Variants in DMD observed in about 807,000 individuals in gnomAD.
The protein encoded by DMD is mutant dystrophin.
A neutral mutation model predicts 330.1 loss-of-function variants in DMD; 63 were observed. The observed-to-expected ratio is 0.19, with a 90% confidence interval of 0.16 to 0.24. The LOEUF is 0.24. Among genes scored for constraint, DMD ranks in the 10% least tolerant of loss-of-function variants. DMD has a pLI of 1.00. For synonymous variants in DMD, 1,223 were observed against 959.8 expected, an observed-to-expected ratio of 1.27 and a Z score of -5.07; for missense variants, 3,344 against 2,684.1, an observed-to-expected ratio of 1.25 and a Z score of -5.43.
chrX:31,723,668 A>T (rs1407864592), intron 52 of DMD, among the ~76,000 whole-genome samples: 1 of 103,180 alleles, frequency 9.7e-6, no homozygotes, highest in African/African-American at 3.7e-5. Flanking sequence ...ACACACACAC[A>T]CTCCCATGCT....
intron 7 of DMD, among the ~76,000 whole-genome samples, chrX:32,711,073 A>G (rs1020190618): frequency 8.0e-5 from 9 of 111,902 alleles, no homozygotes; most frequent in Non-Finnish European, 1.3e-4. Context: ...AATAGAGAAA[A>G]GGAAAGGCTT....
chrX:32,179,689 C>T (rs1483219301), intron 44 of DMD, among the ~76,000 whole-genome samples: 1 of 111,956 alleles, frequency 8.9e-6, no homozygotes, highest in African/African-American at 3.2e-5. Context: ...TTGTAGCTCC[C>T]ATAATCCCCA....
chrX:32,969,356 T>TATGTATTTTATACATACATATATGC lies in DMD; in HGVS notation c.93+50758_93+50782dup, dbSNP rs1302648557. ...CTACCACATACATAGATAAAATATG[T>TATGTATTTTATACATACATATATGC]ATGTATTTTATACATACATATATGC... On this transcript the variant is annotated intron_variant, in intron 2 of 78. Coordinates refer to ENST00000357033, the MANE Select transcript of DMD (RefSeq NM_004006.3). Among the ~76,000 whole-genome samples, 47 of 93,341 alleles carry TATGTATTTTATACATACATATATGC rather than the reference T, an allele frequency of 5.0e-4. 8 individuals carry two copies. Among genetic ancestry groups the TATGTATTTTATACATACATATATGC allele is most frequent in the African/African-American group, 2.2e-3 (46 of 20,599 alleles). 81.1% of individuals were successfully genotyped at this position (93,341 alleles called of 115,157 possible). A position where few individuals can be genotyped will look rare whatever the true frequency, so the allele number is the denominator to read the frequency against.
In DMD at chrX:33,308,887, G is replaced by A. The variant is rs776287617; in HGVS notation, c.7+30372C>T. Reference sequence around the variant, plus strand: ...GTAGGATGCCAGCCGCCACAGACCAGTATTAGCCTAATAGGATGAAAGATA... The same window carrying A: ...GTAGGATGCCAGCCGCCACAGACCAATATTAGCCTAATAGGATGAAAGATA... On this transcript the variant is annotated intron_variant, in intron 1 of 17. Transcript: ENST00000288447. Among the ~76,000 whole-genome samples, 15 of 111,613 alleles carry A rather than the reference G, an allele frequency of 1.3e-4. No individual in the cohort carries two copies. In the South Asian group the frequency reaches 5.6e-3, roughly 42 times the overall value.
At chrX:31,219,638 C>T (rs1178713642) in intron 64 of DMD, among the ~76,000 whole-genome samples, 3 of 110,396 alleles carry the variant, frequency 2.7e-5, no homozygotes, top group African/African-American at 6.6e-5. Flanking sequence ...CTCTGGATTA[C>T]CTGCCCGTAT....
chrX:32,790,560 T>G (rs113231394), intron 7 of DMD, among the ~76,000 whole-genome samples: 4,022 of 111,463 alleles, frequency 0.036, 67 homozygotes, highest in Non-Finnish European at 0.051. Flanking sequence ...GACCTAGGAC[T>G]AAAAATCTTC....
At chrX:31,130,882 T>C (rs1293953972) in intron 77 of DMD, among the ~76,000 whole-genome samples, 1 of 112,223 alleles carries the variant, frequency 8.9e-6, no homozygotes, top group Non-Finnish European at 1.9e-5. Context: ...ATATACTTTA[T>C]GTTTATGAAG....
At chrX:32,291,515 G>C in intron 42 of DMD, among the ~76,000 whole-genome samples, 1 of 111,464 alleles carries the variant, frequency 9.0e-6, no homozygotes, top group Non-Finnish European at 1.9e-5. Context: ...ATTCACATTT[G>C]AGCTGAAGTG....
chrX:32,242,972 AAG>A lies in DMD; in HGVS notation c.6291-25911_6291-25910del, dbSNP rs1391120253. 5.8e-3 allele frequency among the ~76,000 whole-genome samples: 585 copies of A among 100,767 alleles called. 9 individuals carry two copies. The highest frequency in any genetic ancestry group is 0.02 in the African/African-American group (562 of 27,487). 87.5% of individuals were successfully genotyped at this position (100,767 alleles called of 115,157 possible). On this transcript the variant is annotated intron_variant, in intron 43 of 78. Coordinates refer to ENST00000357033, the MANE Select transcript of DMD (RefSeq NM_004006.3). ...AAGGAAAAGGAACAGAAGGAAAGGAAAGGAAGAAGGAAGGAAGGAAGGAAGAA... is the reference window on the plus strand; with the variant it reads ...AAGGAAAAGGAACAGAAGGAAAGGAAGAAGAAGGAAGGAAGGAAGGAAGAA...
At chrX:31,749,488 G>C (rs1328763709) in intron 51 of DMD, among the ~76,000 whole-genome samples, 1 of 105,440 alleles carries the variant, frequency 9.5e-6, no homozygotes, top group Non-Finnish European at 2.0e-5. Context: ...CTTTTTTATG[G>C]CTGCATAGTA....
intron 67 of DMD, among the ~76,000 whole-genome samples, chrX:31,183,817 G>A (rs1433957957): frequency 9.2e-6 from 1 of 108,480 alleles, no homozygotes; most frequent in Non-Finnish European, 1.9e-5. Flanking sequence ...TCCTTTAGCT[G>A]TTGGTGGTGC....
At chrX:33,159,156 C>A (rs1351388911) in intron 1 of DMD, 1 of 111,839 alleles carries the variant, frequency 8.9e-6, no homozygotes, top group African/African-American at 3.2e-5. Context: ...CAAATATGTT[C>A]TCATATAATA....
chrX:32,478,518 C>A (rs1339074933), intron 21 of DMD, among the ~76,000 whole-genome samples: 2 of 111,613 alleles, frequency 1.8e-5, no homozygotes, highest in East Asian at 5.6e-4. Context: ...AGGACCCATG[C>A]ATGATATATG....
intron 32 of DMD, among the ~76,000 whole-genome samples, chrX:32,388,341 C>CTTTTTTTTTTTTTT (rs3044988): frequency 0.019 from 1,505 of 77,954 alleles, 46 homozygotes; most frequent in African/African-American, 0.039. Context: ...TTATGCTTTC[C>CTTTTTTTTTTTTTT]TTTTTTTTTT....
intron 44 of DMD, among the ~76,000 whole-genome samples, chrX:32,106,557 A>C (rs1444872875): frequency 1.8e-5 from 2 of 111,763 alleles, no homozygotes; most frequent in African/African-American, 3.2e-5. Flanking sequence ...GGGGACCATA[A>C]GAATCCACTT....
At chrX:32,689,178 CT>C (rs2063094352) in intron 9 of DMD, among the ~76,000 whole-genome samples, 1 of 110,945 alleles carries the variant, frequency 9.0e-6, no homozygotes, top group Admixed American at 9.6e-5. Flanking sequence ...CCTTAAATAA[CT>C]TTTTGTTTTT....
At chrX:33,259,189 C>T (rs891310392) in intron 1 of DMD, among the ~76,000 whole-genome samples, 7 of 110,199 alleles carry the variant, frequency 6.4e-5, no homozygotes, top group Non-Finnish European at 1.3e-4. Context: ...AGGAGTTTTA[C>T]GTTCACAGCA....
chrX:32,436,372 T>C (rs993726266), intron 29 of DMD, among the ~76,000 whole-genome samples: 1 of 111,715 alleles, frequency 9.0e-6, no homozygotes, highest in Non-Finnish European at 1.9e-5. Context: ...TAATACAAGG[T>C]GTTATTCTAG....
chrX:32,046,973 C>T (rs1040426174), intron 44 of DMD, among the ~76,000 whole-genome samples: 2 of 111,489 alleles, frequency 1.8e-5, no homozygotes, highest in African/African-American at 3.2e-5. Flanking sequence ...ACAAAAGAGT[C>T]ATAAGACATA....
Sources: gnomAD v4.1 joint callset for allele counts (sites outside exome capture counted in the v4.1 genomes callset) on GRCh38, gnomAD v4.1.1 for gene constraint, MANE v1.5 for transcripts, NCBI Gene and HGNC (gene_info 2026-07-23, HGNC 2026-07-21) for gene names.